Variants in LPIN3 observed in about 807,000 individuals in gnomAD.
The protein encoded by LPIN3 is phosphatidate phosphatase LPIN3.
In LPIN3, 82 loss-of-function variants were observed where a neutral mutation model predicts 94.7. The observed-to-expected ratio is 0.87, with a 90% CI of 0.72 to 1.04. The LOEUF is 1.04. Among genes scored for constraint, LPIN3 ranks in the 50% least tolerant of loss-of-function variants. The pLI is 0.00. For missense variants in LPIN3, 996 were observed against 1,090.5 expected (o/e 0.91, Z 1.22); for synonymous variants, 418 against 443.3 (o/e 0.94, Z 0.72).
rs767615677 is a variant in LPIN3 at position 41,354,725 on chromosome 20, C to T, written c.1608C>T (p.Phe536=). ...RWWFSWRRRD[F]LAEERSAQKE... is the part of the protein sequence containing the mutation. ...GGTTTTCCTGGCGACGCAGGGACTT[C>T]CTGGCCGAGGAGGTGGGTGGTCACA... The change falls in exon 12 of 20, where the codon TTC becomes TTT. Residue 536 remains phenylalanine, a synonymous_variant. Transcript: ENST00000373257. The T allele has an allele frequency of 1.2e-6, 2 of 1,607,752 alleles. No individual in the cohort carries two copies. Among genetic ancestry groups the T allele is most frequent in the Admixed American group, 3.4e-5 (2 of 59,450 alleles).
chr20:41,348,914 C>G lies in LPIN3; in HGVS notation c.557+27C>G, dbSNP rs765177354. The G allele has an allele frequency of 3.8e-6, 6 of 1,593,866 alleles. No individual in the cohort carries two copies. In the East Asian group the frequency reaches 1.4e-4, roughly 36 times the overall value. ...TGTGTAAGGACCAAGGGACTTGAAC[C>G]CCAGTTTGGGGGTTCAAGTGCTGTT... is the stretch of plus-strand genomic sequence containing the variant. On this transcript the variant is annotated intron_variant, in intron 4 of 19. Transcript: ENST00000373257.
Position 41,358,464 on chromosome 20 carries a change from G to C in LPIN3, c.2333G>C (p.Gly778Ala). Reference protein sequence around the residue: ...PNDVFAYRQVGLPESRIFTVN... With the variant: ...PNDVFAYRQVALPESRIFTVN... ...GATGTCTTTGCCTACCGGCAGGTGGGCCTGCCTGAGTCACGCATCTTCACA... is the reference window on the plus strand; with the variant it reads ...GATGTCTTTGCCTACCGGCAGGTGGCCCTGCCTGAGTCACGCATCTTCACA... Residue 778 changes from glycine to alanine, a missense_variant, in exon 19 of 20, where the codon GGC becomes GCC. By Grantham distance (60) the Gly-to-Ala change is moderately conservative (BLOSUM62 0). Coordinates refer to ENST00000373257, the MANE Select transcript of LPIN3 (RefSeq NM_022896.3). 1 of 1,614,078 alleles carries C rather than the reference G, an allele frequency of 6.2e-7. No homozygotes were observed. The highest frequency in any genetic ancestry group is 8.5e-7 in the Non-Finnish European group (1 of 1,179,998).
intron 14 of LPIN3, 97 bp from the exon 15 acceptor site, chr20:41,356,942 GA>G: frequency 7.2e-7 from 1 of 1,390,348 alleles, no homozygotes; most frequent in Admixed American, 1.9e-5. Flanking sequence ...AGAGGAGAAT[GA>G]GAGGCCCGAG....
chr20:41,346,138 C>A lies in LPIN3; in HGVS notation c.192+143C>A, dbSNP rs2045767236. 5.5e-6 allele frequency: 5 copies of A among 914,362 alleles called. No homozygotes were observed. In the East Asian group the frequency reaches 1.1e-4, roughly 19 times the overall value. 56.6% of individuals were successfully genotyped at this position (914,362 alleles called of 1,614,324 possible). A position where few individuals can be genotyped will look rare whatever the true frequency, so the allele number is the denominator to read the frequency against. Reference sequence around the variant, plus strand: ...ACAGGCTTCCCTTCATTTGTACTTTCTTTGAAGGTTTTTGGGTTGATTTGG... The same window carrying A: ...ACAGGCTTCCCTTCATTTGTACTTTATTTGAAGGTTTTTGGGTTGATTTGG... On this transcript the variant is annotated intron_variant, in intron 2 of 19. Transcript: ENST00000373257.
At chr20:41,353,703 G>A (rs1415482232) in intron 11 of LPIN3, among the ~76,000 whole-genome samples, 1 of 152,246 alleles carries the variant, frequency 6.6e-6, no homozygotes, top group African/African-American at 2.4e-5. Context: ...GTGCCAGCCT[G>A]TGCCAACCTG....
At chr20:41,342,170 C>T (rs921032102) in intron 1 of LPIN3, among the ~76,000 whole-genome samples, 1 of 152,066 alleles carries the variant, frequency 6.6e-6, no homozygotes, top group Non-Finnish European at 1.5e-5. Flanking sequence ...CTCACACGTG[C>T]CTGATGTTAT....
intron 10 of LPIN3, 37 bp from the exon 11 acceptor site, chr20:41,352,761 A>G: frequency 6.2e-7 from 1 of 1,613,408 alleles, no homozygotes; most frequent in East Asian, 2.2e-5. Flanking sequence ...ACAACCCTGC[A>G]GCTGCTGCAG....
chr20:41,358,773 T>C lies in LPIN3; in HGVS notation c.2463T>C (p.Arg821=), dbSNP rs1279595043. 1 of 1,614,108 alleles carries C rather than the reference T, an allele frequency of 6.2e-7. No individual in the cohort carries two copies. The highest frequency in any genetic ancestry group is 8.5e-7 in the Non-Finnish European group (1 of 1,180,018). The change falls in exon 20 of 20, where the codon CGT becomes CGC. Residue 821 remains arginine, a synonymous_variant. Transcript: ENST00000373257. ...VVELLFPPVA[R]GPSTDLANPE... Reference sequence around the variant, plus strand: ...AGCTCCTCTTCCCACCTGTGGCCCGTGGCCCCAGCACAGACCTGGCCAACC... The same window carrying C: ...AGCTCCTCTTCCCACCTGTGGCCCGCGGCCCCAGCACAGACCTGGCCAACC...
intron 14 of LPIN3, 31 bp downstream of exon 14, chr20:41,356,065 G>T (rs776063483): frequency 6.2e-7 from 1 of 1,607,738 alleles, no homozygotes; most frequent in South Asian, 1.1e-5. Context: ...TGGAGGTTGG[G>T]GAGGGGCTGA....
chr20:41,343,871 G>A (rs2045674310), intron 1 of LPIN3, among the ~76,000 whole-genome samples: 1 of 152,172 alleles, frequency 6.6e-6, no homozygotes, highest in Admixed American at 6.5e-5. Flanking sequence ...ACCAACGTGG[G>A]CAACATAGTG....
In LPIN3 at chr20:41,345,955, GT is replaced by G; in HGVS notation, c.156del (p.Phe52LeufsTer14). On this transcript the variant is annotated frameshift_variant, in exon 2 of 20. Coordinates refer to ENST00000373257, the MANE Select transcript of LPIN3 (RefSeq NM_022896.3). LOFTEE classifies it high-confidence loss of function. ...GSFRCSPFHV[R>X]FGKLGVLRSR... ...TTCCGGTGCTCACCCTTCCACGTGC[GT>G]TTTGGCAAGCTGGGCGTCCTGCGGT... The G allele has an allele frequency of 1.2e-6, 2 of 1,614,108 alleles. No individual in the cohort carries two copies. Among genetic ancestry groups the G allele is most frequent in the Non-Finnish European group, 1.7e-6 (2 of 1,180,004 alleles).
intron 13 of LPIN3, 67 bp downstream of exon 13, chr20:41,354,930 G>A (rs899121238): frequency 1.3e-6 from 2 of 1,495,360 alleles, no homozygotes; most frequent in Admixed American, 2.2e-5. Flanking sequence ...GGTGCAGGTG[G>A]GTGGCAGGGA....
Position 41,350,061 on chromosome 20 carries a change from A to G in LPIN3, c.766A>G (p.Arg256Gly), listed in dbSNP as rs745357001. Residue 256 changes from arginine (R) to glycine (G), a missense_variant, in exon 7 of 20, where the codon AGA (arginine) becomes GGA (glycine). Coordinates refer to ENST00000373257, the MANE Select transcript of LPIN3 (RefSeq NM_022896.3). The part of the protein sequence containing the change: ...WAWGRLPKVA[R>G]AERPESSVVL... ...TCCATTTGTTCCACTAAAGGTGGCC[A>G]GAGCTGAGCGGCCCGAGTCCTCAGT... The G allele has an allele frequency of 1.1e-5, 17 of 1,595,864 alleles. No homozygotes were observed. In the African/African-American group the frequency reaches 2.1e-4, roughly 20 times the overall value.
At position 41,355,888 on chromosome 20, in the gene LPIN3, G is replaced by A. The variant is rs996506915; in HGVS notation, c.1665-8G>A. The A allele has an allele frequency of 6.2e-7, 1 of 1,613,780 alleles. No homozygotes were observed. The highest frequency in any genetic ancestry group is 8.5e-7 in the Non-Finnish European group (1 of 1,179,850). On this transcript the variant is annotated splice_region_variant and splice_polypyrimidine_tract_variant and intron_variant, in intron 13 of 19. Coordinates refer to ENST00000373257, the MANE Select transcript of LPIN3 (RefSeq NM_022896.3). Reference sequence around the variant, plus strand: ...AGGAGATGGCCTGAGAGCCAGTGTGGTCCACAGGGAGAAGACAGAAGTCCT... The same window carrying A: ...AGGAGATGGCCTGAGAGCCAGTGTGATCCACAGGGAGAAGACAGAAGTCCT...
chr20:41,352,528 T>C, intron 9 of LPIN3, 78 bp from the exon 10 acceptor site: 1 of 1,266,568 alleles, frequency 7.9e-7, no homozygotes, highest in Non-Finnish European at 1.1e-6. Flanking sequence ...AGCAGCAGAG[T>C]GGGGAGCACC....
intron 7 of LPIN3, among the ~76,000 whole-genome samples, 164 bp from the exon 8 acceptor site, chr20:41,351,657 G>C (rs1323158012): frequency 6.6e-6 from 1 of 152,138 alleles, no homozygotes; most frequent in Non-Finnish European, 1.5e-5. Flanking sequence ...GCCACATGTG[G>C]CTAGCAGCTA....
intron 12 of LPIN3, 36 bp from the exon 13 acceptor site, chr20:41,354,784 G>C: frequency 6.2e-7 from 1 of 1,612,806 alleles, no homozygotes; most frequent in Non-Finnish European, 8.5e-7. Flanking sequence ...GCACAGGGCG[G>C]GAGGTGGGAT....
intron 9 of LPIN3, 99 bp downstream of exon 9, chr20:41,352,319 A>T: frequency 7.2e-7 from 1 of 1,392,744 alleles, no homozygotes; most frequent in Non-Finnish European, 1.0e-6. Context: ...TAGAGGTGAG[A>T]GGCTGGGCTT....
At chr20:41,356,129 G>A (rs2046201988) in intron 14 of LPIN3, 95 bp downstream of exon 14, 1 of 1,522,318 alleles carries the variant, frequency 6.6e-7, no homozygotes, top group Admixed American at 1.9e-5. Context: ...GCTCCAGGGA[G>A]CCACATGTTC....
Sources: allele counts gnomAD v4.1 joint callset (sites outside exome capture counted in the v4.1 genomes callset), GRCh38; gene constraint gnomAD v4.1.1; transcripts MANE v1.5; gene names NCBI Gene and HGNC (gene_info 2026-07-23, HGNC 2026-07-21).